ZFHX3: variants seen among roughly 807,000 people sequenced by gnomAD.
ZFHX3 encodes the protein zinc finger homeobox protein 3.
Under a neutral mutation model 279.1 loss-of-function variants are expected in ZFHX3, and 42 were observed. That is an observed-to-expected ratio of 0.15 (90% CI 0.12 to 0.19). The LOEUF is 0.19. Among genes scored for constraint, ZFHX3 ranks in the 10% least tolerant of loss-of-function variants. The pLI is 1.00. For missense variants in ZFHX3, 4,981 were observed against 4,754.0 expected, an observed-to-expected ratio of 1.05 and a Z score of -1.40; for synonymous variants, 2,293 against 1,957.8, an observed-to-expected ratio of 1.17 and a Z score of -4.52.
intron 7 of ZFHX3, among the ~76,000 whole-genome samples, chr16:72,805,716 T>G (rs539590489): frequency 3.0e-4 from 46 of 152,320 alleles, no homozygotes; most frequent in South Asian, 2.1e-3. Context: ...TGGGGCCCAC[T>G]GGCTGGTTTC....
chr16:73,840,610 A>G (rs936336900), intron 1 of ZFHX3, among the ~76,000 whole-genome samples: 1 of 152,188 alleles, frequency 6.6e-6, no homozygotes, highest in African/African-American at 2.4e-5. Flanking sequence ...GCTCTATTGC[A>G]CATTCAAGGA....
chr16:73,426,731 CT>C (rs1449758198), intron 3 of ZFHX3, among the ~76,000 whole-genome samples: 4 of 152,166 alleles, frequency 2.6e-5, no homozygotes, highest in Admixed American at 6.5e-5. Context: ...CTCATTACAT[CT>C]GTTTTTAATC....
chr16:72,961,910 AAACC>A lies in ZFHX3; in HGVS notation c.-49-1720_-49-1717del, dbSNP rs1378790580. On this transcript the variant is annotated intron_variant, in intron 1 of 9. Transcript: ENST00000268489. ...AAACCAAACCAAACCAAACCAAACCAAACCAAACCAAACCAAACCAAACAGCAAA... is the reference window on the plus strand; with the variant it reads ...AAACCAAACCAAACCAAACCAAACCAAAACCAAACCAAACCAAACAGCAAA... 1.3e-3 allele frequency among the ~76,000 whole-genome samples: 192 copies of A among 151,934 alleles called. 3 individuals carry two copies. The South Asian group carries it at 0.039, about 30-fold the overall frequency.
intron 3 of ZFHX3, among the ~76,000 whole-genome samples, chr16:73,445,234 G>C (rs1311271172): frequency 6.6e-6 from 1 of 151,568 alleles, no homozygotes; most frequent in Non-Finnish European, 1.5e-5. Flanking sequence ...TCATGTGTAT[G>C]TATGTATACA....
chr16:73,169,312 A>T (rs1967465600), intron 5 of ZFHX3, among the ~76,000 whole-genome samples: 1 of 152,246 alleles, frequency 6.6e-6, no homozygotes, highest in African/African-American at 2.4e-5. Flanking sequence ...CATTTCAAGC[A>T]GAGCTAACCA....
intron 5 of ZFHX3, among the ~76,000 whole-genome samples, chr16:73,164,291 G>T (rs1354025999): frequency 1.3e-5 from 2 of 152,192 alleles, no homozygotes; most frequent in African/African-American, 4.8e-5. Context: ...ATCCTGCAAA[G>T]CAAAGAGAAG....
At chr16:73,159,077 A>G (rs1320449313) in intron 5 of ZFHX3, among the ~76,000 whole-genome samples, 1 of 152,252 alleles carries the variant, frequency 6.6e-6, no homozygotes, top group Non-Finnish European at 1.5e-5. Flanking sequence ...AAATTGACAA[A>G]TGAGATCTAA....
At chr16:73,632,096 CAA>C (rs1165462685) in intron 2 of ZFHX3, among the ~76,000 whole-genome samples, 2 of 152,082 alleles carry the variant, frequency 1.3e-5, no homozygotes, top group Non-Finnish European at 2.9e-5. Flanking sequence ...GACAGATTAT[CAA>C]AAGAGTCATA....
At chr16:73,331,625 G>A (rs1408317209) in intron 3 of ZFHX3, among the ~76,000 whole-genome samples, 2 of 152,178 alleles carry the variant, frequency 1.3e-5, no homozygotes, top group African/African-American at 4.8e-5. Context: ...ATTCGCAGTG[G>A]TGAGAATGCC....
chr16:73,714,195 T>C (rs2053392266), intron 1 of ZFHX3, among the ~76,000 whole-genome samples: 1 of 152,296 alleles, frequency 6.6e-6, no homozygotes, highest in East Asian at 1.9e-4. Context: ...ATTTTGGTAA[T>C]TTTCATACGC....
chr16:72,913,688 G>A (rs1452514834), intron 3 of ZFHX3, among the ~76,000 whole-genome samples: 3 of 152,178 alleles, frequency 2.0e-5, no homozygotes, highest in Admixed American at 6.5e-5. Flanking sequence ...TTAAGGGCAG[G>A]GGAGTGAAGC....
chr16:73,820,866 A>T (rs748214168), intron 1 of ZFHX3, among the ~76,000 whole-genome samples: 1 of 151,704 alleles, frequency 6.6e-6, no homozygotes, highest in Non-Finnish European at 1.5e-5. Context: ...AGTAGAACAC[A>T]TTTGTCTTTA....
In ZFHX3 at chr16:73,520,578, C is replaced by G. The variant is rs11859168; in HGVS notation, c.-1546-64320G>C. Reference sequence around the variant, plus strand: ...AATTCTCCATCTGGCTCTCTCACCACCAAGCCCTGTCTGCTCTGGAAGAAG... The same window carrying G: ...AATTCTCCATCTGGCTCTCTCACCAGCAAGCCCTGTCTGCTCTGGAAGAAG... On this transcript the variant is annotated intron_variant, in intron 2 of 17. Transcript: ENST00000641206. Among the ~76,000 whole-genome samples, 124 of 152,298 alleles carry G rather than the reference C, an allele frequency of 8.1e-4. 1 individual carries two copies. The highest frequency in any genetic ancestry group is 2.9e-3 in the African/African-American group (122 of 41,554).
chr16:73,285,680 G>A (rs2014578316), intron 4 of ZFHX3, among the ~76,000 whole-genome samples: 2 of 152,326 alleles, frequency 1.3e-5, no homozygotes, highest in Admixed American at 1.3e-4. Context: ...TCCCAAGATG[G>A]GCGGAGCTTT....
exon 7 of ZFHX3, chr16:73,131,027 C>G: frequency 7.7e-7 from 1 of 1,301,492 alleles, no homozygotes; most frequent in African/African-American, 1.5e-5. Flanking sequence ...GTTAGACCCC[C>G]TGGGCTCCAA....
chr16:72,939,703 C>T (rs1462074230), intron 3 of ZFHX3, among the ~76,000 whole-genome samples: 2 of 152,226 alleles, frequency 1.3e-5, no homozygotes, highest in Admixed American at 6.5e-5. Flanking sequence ...GCCTGGCCAA[C>T]ACGGTGAAAC....
intron 2 of ZFHX3, among the ~76,000 whole-genome samples, chr16:73,626,215 T>A (rs2052415182): frequency 1.3e-5 from 2 of 152,192 alleles, no homozygotes; most frequent in South Asian, 4.1e-4. Context: ...ACACATTTTA[T>A]GACAAATCTG....
chr16:72,933,584 G>A (rs2144308421), intron 3 of ZFHX3, among the ~76,000 whole-genome samples: 1 of 152,116 alleles, frequency 6.6e-6, no homozygotes, highest in Non-Finnish European at 1.5e-5. Flanking sequence ...CTATCAATGT[G>A]CCTTACATCT....
intron 3 of ZFHX3, among the ~76,000 whole-genome samples, chr16:72,947,768 G>A (rs910752116): frequency 5.3e-5 from 8 of 152,272 alleles, no homozygotes; most frequent in Non-Finnish European, 8.8e-5. Flanking sequence ...TCAGCTCCCC[G>A]GGTCAGCTGC....
Sources: gnomAD v4.1 joint callset for allele counts (sites outside exome capture counted in the v4.1 genomes callset) on GRCh38, gnomAD v4.1.1 for gene constraint, MANE v1.5 for transcripts, NCBI Gene and HGNC (gene_info 2026-07-23, HGNC 2026-07-21) for gene names.